The following CCSER1 variants were observed in gnomAD, a reference collection of about 807,000 sequenced individuals.
The protein encoded by CCSER1 is coiled-coil serine rich protein 1, also known as serine-rich coiled-coil domain-containing protein 1.
A neutral mutation model predicts 82.0 loss-of-function variants in CCSER1; 41 were observed. The ratio of observed to expected loss-of-function variants is 0.50; its 90% CI spans 0.39 to 0.65. The LOEUF is 0.65. Ranked by LOEUF, CCSER1 falls within the 30% of genes least tolerant of loss-of-function variation. The probability of loss-of-function intolerance (pLI) is 0.00; values close to 1 mark genes in which losing one functional copy is unlikely to be tolerated. For synonymous variants in CCSER1, 414 were observed against 383.9 expected, an observed-to-expected ratio of 1.08 and a Z score of -0.92; for missense variants, 1,119 against 1,064.2, an observed-to-expected ratio of 1.05 and a Z score of -0.72.
rs191276828 is a variant in CCSER1, at chr4:90,529,445, G to T, written c.1724+61091G>T. 1.2e-4 allele frequency among the ~76,000 whole-genome samples: 19 copies of T among 152,204 alleles called. No individual in the cohort carries two copies. The South Asian group carries it at 3.9e-3, about 31-fold the overall frequency. On this transcript the variant is annotated intron_variant, in intron 5 of 10. Coordinates refer to ENST00000509176, the MANE Select transcript of CCSER1 (RefSeq NM_001145065.2). ...AAGTTTCACCATGTTGGCTAAGCTG[G>T]TCTTGAACTCCTGGCCTCAAGTGAT...
chr4:91,055,282 A>G (rs1743344757), intron 9 of CCSER1, among the ~76,000 whole-genome samples: 1 of 152,168 alleles, frequency 6.6e-6, no homozygotes, highest in Non-Finnish European at 1.5e-5. Flanking sequence ...TTATATCTAT[A>G]TCTTGATCCT....
chr4:90,934,471 A>T (rs1469474672), intron 9 of CCSER1, among the ~76,000 whole-genome samples: 1 of 152,196 alleles, frequency 6.6e-6, no homozygotes, highest in African/African-American at 2.4e-5. Context: ...CCCCTGAAAA[A>T]GTATAAACCT....
chr4:91,066,585 G>A (rs759322268), intron 9 of CCSER1, among the ~76,000 whole-genome samples: 1 of 152,190 alleles, frequency 6.6e-6, no homozygotes, highest in African/African-American at 2.4e-5. Flanking sequence ...CAAAGCCGGT[G>A]TGAATAGATA....
chr4:91,109,473 G>A (rs1725910548), intron 10 of CCSER1, among the ~76,000 whole-genome samples: 1 of 151,866 alleles, frequency 6.6e-6, no homozygotes, highest in Non-Finnish European at 1.5e-5. Context: ...ATTATTGAGG[G>A]TAGGTAGTCC....
chr4:91,127,737 C>T lies in CCSER1; in HGVS notation c.2217+41743C>T, dbSNP rs114647371. Reference sequence around the variant, plus strand: ...TGTTTCTACCTCCTGGAAGGATAACCAAGAATGTACTGACTGGTCATGACT... The same window carrying T: ...TGTTTCTACCTCCTGGAAGGATAACTAAGAATGTACTGACTGGTCATGACT... On this transcript the variant is annotated intron_variant, in intron 10 of 10. Transcript: ENST00000509176. 4.0e-3 allele frequency among the ~76,000 whole-genome samples: 608 copies of T among 152,042 alleles called. 1 individual carries two copies. The highest frequency in any genetic ancestry group is 0.01 in the Middle Eastern group (3 of 294).
At chr4:91,487,586 TTA>T (rs1758289273) in intron 10 of CCSER1, among the ~76,000 whole-genome samples, 2 of 152,160 alleles carry the variant, frequency 1.3e-5, no homozygotes, top group South Asian at 4.1e-4. Context: ...ATTTAGATTA[TTA>T]TGTTTCAATA....
intron 10 of CCSER1, among the ~76,000 whole-genome samples, chr4:91,455,953 G>C (rs943050143): frequency 6.6e-6 from 1 of 152,080 alleles, no homozygotes; most frequent in East Asian, 1.9e-4. Context: ...CAGAGACAAG[G>C]AGGTAAACTG....
chr4:90,420,562 T>G, intron 4 of CCSER1, among the ~76,000 whole-genome samples: 1 of 150,580 alleles, frequency 6.6e-6, no homozygotes, highest in Admixed American at 6.6e-5. Flanking sequence ...TTAAAAGTGC[T>G]TCTGCCTATC....
chr4:90,582,077 T>C (rs1048893685), intron 5 of CCSER1, among the ~76,000 whole-genome samples: 2 of 152,130 alleles, frequency 1.3e-5, no homozygotes, highest in African/African-American at 4.8e-5. Flanking sequence ...TGATAAAACA[T>C]GGGTTACATC....
intron 8 of CCSER1, among the ~76,000 whole-genome samples, chr4:90,891,782 A>G (rs1723002877): frequency 6.6e-6 from 1 of 152,098 alleles, no homozygotes; most frequent in African/African-American, 2.4e-5. Flanking sequence ...TAAGGTTAAC[A>G]GTACATTCAC....
chr4:91,223,103 T>A (rs1029479783), intron 10 of CCSER1, among the ~76,000 whole-genome samples: 2 of 152,094 alleles, frequency 1.3e-5, no homozygotes, highest in South Asian at 2.1e-4. Flanking sequence ...CTTAAAAAAA[T>A]TCAAATTATG....
intron 3 of CCSER1, among the ~76,000 whole-genome samples, chr4:90,338,190 A>T (rs1195805453): frequency 6.6e-6 from 1 of 152,154 alleles, no homozygotes; most frequent in South Asian, 2.1e-4. Context: ...CACTATCTTC[A>T]TGCTTCCCAC....
intron 3 of CCSER1, among the ~76,000 whole-genome samples, chr4:90,361,435 G>T (rs1171217347): frequency 6.6e-6 from 1 of 152,138 alleles, no homozygotes; most frequent in Non-Finnish European, 1.5e-5. Flanking sequence ...GGGAATTTTA[G>T]ATTATGTCCA....
intron 1 of CCSER1, among the ~76,000 whole-genome samples, chr4:90,245,848 A>G (rs1721316700): frequency 6.6e-6 from 1 of 152,192 alleles, no homozygotes. Context: ...GTCCAAGAAC[A>G]CATTATAAAA....
chr4:90,263,975 C>T (rs1724801865), intron 1 of CCSER1, among the ~76,000 whole-genome samples: 1 of 152,146 alleles, frequency 6.6e-6, no homozygotes, highest in Admixed American at 6.5e-5. Context: ...CACAGACCCC[C>T]CTAACTTTGC....
Position 90,595,715 on chromosome 4 carries a change from G to A in CCSER1, c.1725-32310G>A, listed in dbSNP as rs984233650. On this transcript the variant is annotated intron_variant, in intron 5 of 10. Transcript: ENST00000509176. ...GCTTTAGTTTTTTAGTATCAATAAC[G>A]CCCTTGAAACCTTTCTTTGTACTCC... Among the ~76,000 whole-genome samples, 16 of 151,904 alleles carry A rather than the reference G, an allele frequency of 1.1e-4. No homozygotes were observed. In the East Asian group the frequency reaches 1.7e-3, roughly 17 times the overall value.
rs531791808 is a variant in CCSER1 at position 90,579,395 on chromosome 4, A to G, written c.1725-48630A>G. Among the ~76,000 whole-genome samples the G allele has an allele frequency of 2.4e-4, 37 of 152,282 alleles. No homozygotes were observed. In the South Asian group the frequency reaches 3.3e-3, roughly 14 times the overall value. ...ATGGGAGCAATTATTCTACAAAATG[A>G]CAAAGCAGCAAGGGCAAAAATCTAG... On this transcript the variant is annotated intron_variant, in intron 5 of 10. Transcript: ENST00000509176.
At chr4:90,493,481 A>G (rs143125758) in intron 5 of CCSER1, among the ~76,000 whole-genome samples, 1,776 of 152,308 alleles carry the variant, frequency 0.012, 13 homozygotes, top group South Asian at 0.022. Flanking sequence ...CAAAGTTGAA[A>G]TGAAGGAAAA....
At chr4:90,644,089 G>T (rs556348413) in intron 6 of CCSER1, among the ~76,000 whole-genome samples, 1 of 152,248 alleles carries the variant, frequency 6.6e-6, no homozygotes, top group African/African-American at 2.4e-5. Context: ...GTTTGTTGCA[G>T]AGATTCTTTT....
Sources: gnomAD v4.1 joint callset for allele counts (sites outside exome capture counted in the v4.1 genomes callset) on GRCh38, gnomAD v4.1.1 for gene constraint, MANE v1.5 for transcripts, NCBI Gene and HGNC (gene_info 2026-07-23, HGNC 2026-07-21) for gene names.